LRRC3B: variants seen among roughly 807,000 people sequenced by gnomAD.
LRRC3B encodes leucine rich repeat containing 3B, also known as leucine-rich repeat-containing protein 3B.
In LRRC3B, 2 loss-of-function variants were observed where a neutral mutation model predicts 12.8. The ratio of observed to expected loss-of-function variants is 0.16; its 90% CI spans 0.06 to 0.49. The LOEUF (loss-of-function observed/expected upper bound fraction) is 0.49, where lower values mean the gene tolerates loss of function less well. Ranked by LOEUF, LRRC3B falls within the 20% of genes least tolerant of loss-of-function variation. The pLI is 0.96. For missense variants in LRRC3B, 189 were observed against 319.4 expected (o/e 0.59, Z 3.11); for synonymous variants, 132 against 122.0 (o/e 1.08, Z -0.54).
chr3:26,638,875 T>C (rs1192050659), intron 1 of LRRC3B, among the ~76,000 whole-genome samples: 1 of 152,210 alleles, frequency 6.6e-6, no homozygotes, highest in Admixed American at 6.5e-5. Flanking sequence ...TCAAGGTGTG[T>C]GAACACCAGA....
At chr3:26,637,402 G>A (rs1469485776) in intron 1 of LRRC3B, among the ~76,000 whole-genome samples, 1 of 152,110 alleles carries the variant, frequency 6.6e-6, no homozygotes, top group Non-Finnish European at 1.5e-5. Flanking sequence ...CAACTTCTAG[G>A]GCTTTCTCAG....
At chr3:26,677,120 CA>C (rs1699876380) in intron 1 of LRRC3B, among the ~76,000 whole-genome samples, 1 of 152,152 alleles carries the variant, frequency 6.6e-6, no homozygotes, top group African/African-American at 2.4e-5. Context: ...AAAATGGAGA[CA>C]AAAACCATAC....
chr3:26,689,704 T>A (rs1349950307), intron 1 of LRRC3B, among the ~76,000 whole-genome samples: 1 of 152,126 alleles, frequency 6.6e-6, no homozygotes, highest in East Asian at 1.9e-4. Context: ...CCCCAGGACT[T>A]TTAGGTTCTT....
chr3:26,693,681 G>A (rs1027296357), intron 1 of LRRC3B, among the ~76,000 whole-genome samples: 1 of 152,144 alleles, frequency 6.6e-6, no homozygotes, highest in African/African-American at 2.4e-5. Flanking sequence ...AAACTAATAA[G>A]TTCAAATTAC....
chr3:26,671,984 C>G (rs1200085803), intron 1 of LRRC3B, among the ~76,000 whole-genome samples: 1 of 152,158 alleles, frequency 6.6e-6, no homozygotes, highest in Non-Finnish European at 1.5e-5. Context: ...AGTAAAGTAA[C>G]AATGACTCAT....
intron 1 of LRRC3B, among the ~76,000 whole-genome samples, chr3:26,707,078 C>T (rs904756738): frequency 5.3e-5 from 8 of 151,900 alleles, no homozygotes; most frequent in African/African-American, 1.9e-4. Flanking sequence ...CTGTGCTAAG[C>T]GCAGTGGCTC....
chr3:26,685,615 G>GTATATA lies in LRRC3B; in HGVS notation c.-160-23884_-160-23879dup, dbSNP rs768001958. 4.5e-3 allele frequency among the ~76,000 whole-genome samples: 543 copies of GTATATA among 120,448 alleles called. 8 individuals carry two copies. The highest frequency in any genetic ancestry group is 0.012 in the African/African-American group (366 of 29,384). The allele number at this position is 120,448 out of a possible 152,430, so 79.0% of individuals were successfully genotyped here. On this transcript the variant is annotated intron_variant, in intron 1 of 1. Transcript: ENST00000396641. The stretch of plus-strand genomic sequence containing the variant: ...CACTCATATATATATATGTGTGTGT[G>GTATATA]TATATATATATATATATATCTATAT...
intron 1 of LRRC3B, among the ~76,000 whole-genome samples, chr3:26,675,201 G>A (rs548589139): frequency 2.0e-5 from 3 of 152,140 alleles, no homozygotes; most frequent in South Asian, 2.1e-4. Flanking sequence ...TGTCATTTTC[G>A]TAAAATAAAA....
chr3:26,646,039 G>C (rs1699136587), intron 1 of LRRC3B, among the ~76,000 whole-genome samples: 1 of 152,114 alleles, frequency 6.6e-6, no homozygotes, highest in Admixed American at 6.5e-5. Context: ...GTGTGCGCTT[G>C]TTTCCTTGTT....
intron 1 of LRRC3B, among the ~76,000 whole-genome samples, chr3:26,647,852 G>A (rs1250733836): frequency 6.6e-6 from 1 of 152,192 alleles, no homozygotes; most frequent in African/African-American, 2.4e-5. Flanking sequence ...AGCTTCAGAG[G>A]GAGACTGTTA....
At chr3:26,654,392 T>A (rs1230650117) in intron 1 of LRRC3B, among the ~76,000 whole-genome samples, 1 of 152,140 alleles carries the variant, frequency 6.6e-6, no homozygotes, top group East Asian at 1.9e-4. Context: ...GCACTATATA[T>A]AAATTAAACC....
rs542448535 is a variant in LRRC3B at position 26,676,192 on chromosome 3, C to A, written c.-160-33321C>A. 6.6e-5 allele frequency among the ~76,000 whole-genome samples: 10 copies of A among 151,664 alleles called. No individual in the cohort carries two copies. The South Asian group carries it at 2.1e-3, about 32-fold the overall frequency. On this transcript the variant is annotated intron_variant, in intron 1 of 1. Transcript: ENST00000396641. ...TGGTGTGCTGCACCCATTAACTTGT[C>A]ATTTAGCATTAGGTATATCTCCTAA...
At chr3:26,687,823 G>A (rs547270480) in intron 1 of LRRC3B, among the ~76,000 whole-genome samples, 2 of 152,284 alleles carry the variant, frequency 1.3e-5, no homozygotes, top group South Asian at 2.1e-4. Flanking sequence ...AGATGGAATG[G>A]GAAGAGTATC....
chr3:26,661,157 C>T (rs990963305), intron 1 of LRRC3B, among the ~76,000 whole-genome samples: 2 of 152,154 alleles, frequency 1.3e-5, no homozygotes, highest in Non-Finnish European at 2.9e-5. Flanking sequence ...TGCACACACA[C>T]ATATTGGCTT....
At chr3:26,679,658 C>T (rs1045997898) in intron 1 of LRRC3B, among the ~76,000 whole-genome samples, 2 of 152,092 alleles carry the variant, frequency 1.3e-5, no homozygotes, top group Admixed American at 6.5e-5. Flanking sequence ...GTTGTTATTC[C>T]GCTTGGTAGT....
At chr3:26,655,353 C>A (rs1275404142) in intron 1 of LRRC3B, among the ~76,000 whole-genome samples, 1 of 152,152 alleles carries the variant, frequency 6.6e-6, no homozygotes, top group Admixed American at 6.5e-5. Context: ...CTCTCTTACG[C>A]TCTGAAGCTC....
chr3:26,705,924 C>T (rs1700575052), intron 1 of LRRC3B, among the ~76,000 whole-genome samples: 2 of 152,270 alleles, frequency 1.3e-5, no homozygotes, highest in South Asian at 4.1e-4. Flanking sequence ...CTTCCATCCT[C>T]CCTGGTGAAG....
intron 1 of LRRC3B, among the ~76,000 whole-genome samples, chr3:26,679,674 C>T (rs2125440272): frequency 6.6e-6 from 1 of 152,280 alleles, no homozygotes; most frequent in South Asian, 2.1e-4. Flanking sequence ...GTAGTTATTA[C>T]TTCTCCTGAC....
intron 1 of LRRC3B, among the ~76,000 whole-genome samples, chr3:26,700,192 A>G (rs968911957): frequency 1.3e-5 from 2 of 152,156 alleles, no homozygotes; most frequent in Non-Finnish European, 2.9e-5. Flanking sequence ...TGTGATTTTG[A>G]TAAAAGTTTT....
Sources: allele counts gnomAD v4.1 joint callset (sites outside exome capture counted in the v4.1 genomes callset), GRCh38; gene constraint gnomAD v4.1.1; transcripts MANE v1.5; gene names NCBI Gene and HGNC (gene_info 2026-07-23, HGNC 2026-07-21).